Variants in XRCC4 observed in about 807,000 individuals in gnomAD.
XRCC4 encodes DNA repair protein XRCC4.
A neutral mutation model predicts 39.1 loss-of-function variants in XRCC4; 28 were observed. That is an observed-to-expected ratio of 0.72 (90% CI 0.53 to 0.98). The LOEUF is 0.98. XRCC4 is among the 50% of genes least tolerant of loss of function. XRCC4 has a pLI of 0.00. For synonymous variants in XRCC4, 123 were observed against 126.4 expected, an observed-to-expected ratio of 0.97 and a Z score of 0.18; for missense variants, 350 against 376.4, an observed-to-expected ratio of 0.93 and a Z score of 0.58.
intron 1 of XRCC4, among the ~76,000 whole-genome samples, chr5:83,102,643 A>G (rs1300172439): frequency 6.6e-6 from 1 of 152,100 alleles, no homozygotes; most frequent in Non-Finnish European, 1.5e-5. Flanking sequence ...GTTAACTACC[A>G]TTTGATGGGA....
rs138149233 is a variant in XRCC4, at chr5:83,291,698, A to G, written c.893+33021A>G. Among the ~76,000 whole-genome samples the G allele has an allele frequency of 5.5e-3, 835 of 151,824 alleles. 2 individuals are homozygous for G. Among genetic ancestry groups the G allele is most frequent in the Non-Finnish European group, 7.9e-3 (539 of 67,814 alleles). On this transcript the variant is annotated intron_variant, in intron 7 of 7. Transcript: ENST00000396027. ...CAAATTCATATGTACCTGACTACTT[A>G]CCGACTTTATCAGCCAAGTCATCTT...
At chr5:83,138,827 T>C (rs1212646886) in intron 3 of XRCC4, among the ~76,000 whole-genome samples, 1 of 152,102 alleles carries the variant, frequency 6.6e-6, no homozygotes, top group Non-Finnish European at 1.5e-5. Context: ...ACTAGAACAA[T>C]GATGGTGGAT....
chr5:83,108,648 A>G (rs907571129), intron 2 of XRCC4, among the ~76,000 whole-genome samples: 3 of 151,780 alleles, frequency 2.0e-5, no homozygotes, highest in Non-Finnish European at 4.4e-5. Context: ...TGCTTTTTAA[A>G]TAGATGTTCT....
intron 3 of XRCC4, among the ~76,000 whole-genome samples, chr5:83,143,921 A>G (rs1367960204): frequency 6.6e-6 from 1 of 151,560 alleles, no homozygotes; most frequent in Admixed American, 6.6e-5. Context: ...TTTAATTTCA[A>G]TAGGTTTTAG....
At chr5:83,190,203 T>C (rs1327735714) in intron 3 of XRCC4, among the ~76,000 whole-genome samples, 1 of 152,146 alleles carries the variant, frequency 6.6e-6, no homozygotes. Flanking sequence ...GGAACATAGC[T>C]AGGTCAAGGT....
At chr5:83,296,900 A>G (rs2112989917) in intron 7 of XRCC4, among the ~76,000 whole-genome samples, 1 of 152,092 alleles carries the variant, frequency 6.6e-6, no homozygotes, top group South Asian at 2.1e-4. Flanking sequence ...AAAATAAGTG[A>G]AGAAGCAGTT....
chr5:83,223,761 C>T (rs1193633199), intron 6 of XRCC4, among the ~76,000 whole-genome samples: 1 of 151,818 alleles, frequency 6.6e-6, no homozygotes, highest in African/African-American at 2.4e-5. Context: ...ATACATGTGC[C>T]ATGCTGGTGT....
chr5:83,270,933 C>T (rs1359651377), intron 7 of XRCC4, among the ~76,000 whole-genome samples: 1 of 151,718 alleles, frequency 6.6e-6, no homozygotes, highest in Non-Finnish European at 1.5e-5. Flanking sequence ...TCATAGGCGC[C>T]CGCCACCATG....
At chr5:83,266,546 A>G (rs148909035) in intron 7 of XRCC4, among the ~76,000 whole-genome samples, 5 of 152,074 alleles carry the variant, frequency 3.3e-5, no homozygotes, top group African/African-American at 1.2e-4. Flanking sequence ...TTAAAAATAT[A>G]TAATGATCCA....
In XRCC4 at chr5:83,299,245, G is replaced by A. The variant is rs191029037; in HGVS notation, c.893+40568G>A. ...CAGCATTCAAAGATTTAATTTCATA[G>A]GAAGTTGAGAAGTTGGCCAACAGTT... On this transcript the variant is annotated intron_variant, in intron 7 of 7. Transcript: ENST00000396027. 6.4e-4 allele frequency among the ~76,000 whole-genome samples: 98 copies of A among 152,182 alleles called. 1 individual carries two copies. The highest frequency in any genetic ancestry group is 3.4e-3 in the Middle Eastern group (1 of 294).
intron 3 of XRCC4, among the ~76,000 whole-genome samples, chr5:83,137,303 A>T (rs77640256): frequency 0.019 from 2,820 of 152,246 alleles, 75 homozygotes; most frequent in African/African-American, 0.063. Context: ...CACAAATTAT[A>T]TAATAATTAG....
intron 3 of XRCC4, among the ~76,000 whole-genome samples, chr5:83,150,173 T>G (rs1748637926): frequency 1.3e-5 from 2 of 152,194 alleles, no homozygotes; most frequent in South Asian, 4.1e-4. Flanking sequence ...TAGCTTCATG[T>G]GTAATACCAG....
At chr5:83,167,071 G>A (rs1013926740) in intron 3 of XRCC4, among the ~76,000 whole-genome samples, 3 of 147,956 alleles carry the variant, frequency 2.0e-5, no homozygotes, top group African/African-American at 7.5e-5. Context: ...TAGTAGAGAT[G>A]GTATTTCGCC....
intron 3 of XRCC4, among the ~76,000 whole-genome samples, chr5:83,112,397 T>C (rs1746484207): frequency 6.6e-6 from 1 of 152,202 alleles, no homozygotes; most frequent in South Asian, 2.1e-4. Context: ...TCACTAAACA[T>C]TTGCATGTAA....
At chr5:83,260,710 C>T (rs1466879998) in intron 7 of XRCC4, among the ~76,000 whole-genome samples, 1 of 151,990 alleles carries the variant, frequency 6.6e-6, no homozygotes, top group Non-Finnish European at 1.5e-5. Flanking sequence ...GTTTGTTTCT[C>T]CAAACATACA....
At chr5:83,111,648 A>G (rs1746450642) in intron 3 of XRCC4, among the ~76,000 whole-genome samples, 1 of 152,106 alleles carries the variant, frequency 6.6e-6, no homozygotes. Flanking sequence ...TGAAAAATGC[A>G]TAGTAAGTAT....
At chr5:83,132,909 C>T (rs1208701450) in intron 3 of XRCC4, among the ~76,000 whole-genome samples, 1 of 152,152 alleles carries the variant, frequency 6.6e-6, no homozygotes, top group Non-Finnish European at 1.5e-5. Context: ...CATTCTCTGT[C>T]CAGCTTTGTT....
chr5:83,314,695 C>G (rs942312973), intron 7 of XRCC4, among the ~76,000 whole-genome samples: 2 of 152,064 alleles, frequency 1.3e-5, no homozygotes, highest in African/African-American at 4.8e-5. Context: ...TTATGGTTAT[C>G]TGTGATCAGT....
chr5:83,299,696 C>T (rs1459322516), intron 7 of XRCC4, among the ~76,000 whole-genome samples: 5 of 152,046 alleles, frequency 3.3e-5, no homozygotes, highest in African/African-American at 1.2e-4. Flanking sequence ...TTGACCATTC[C>T]ATTTTGAATT....
Sources: allele counts gnomAD v4.1 joint callset (sites outside exome capture counted in the v4.1 genomes callset), GRCh38; gene constraint gnomAD v4.1.1; transcripts MANE v1.5; gene names NCBI Gene and HGNC (gene_info 2026-07-23, HGNC 2026-07-21).